Variants in SPATC1 observed in about 807,000 individuals in gnomAD.
SPATC1 encodes spermatogenesis and centriole associated 1.
A neutral mutation model predicts 36.5 loss-of-function variants in SPATC1; 35 were observed. The ratio of observed to expected loss-of-function variants is 0.96; its 90% confidence interval spans 0.73 to 1.27. SPATC1 has a LOEUF of 1.27. Among genes scored for constraint, SPATC1 ranks in the 50% most tolerant of loss-of-function variants. The probability of loss-of-function intolerance (pLI) is 0.00; values close to 1 mark genes in which losing one functional copy is unlikely to be tolerated. For missense variants in SPATC1, 779 were observed against 796.0 expected, an observed-to-expected ratio of 0.98 and a Z score of 0.26; for synonymous variants, 361 against 353.6, an observed-to-expected ratio of 1.02 and a Z score of -0.24.
chr8:144,016,213 G>A lies in SPATC1; in HGVS notation c.211+3487G>A, dbSNP rs1372904249. ...AGAGGTTGCAGTGAGCCTAGACTAC[G>A]CCATTGCACTCCAGCCTGAGCAACA... On this transcript the variant is annotated intron_variant, in intron 1 of 4. Coordinates refer to ENST00000377470, the MANE Select transcript of SPATC1 (RefSeq NM_198572.3). The surrounding 1 kb of genome is among the most constrained non-coding windows in gnomAD (Gnocchi z 4.5). Among the ~76,000 whole-genome samples the A allele has an allele frequency of 7.9e-5, 12 of 152,222 alleles. No homozygotes were observed. The highest frequency in any genetic ancestry group is 2.1e-4 in the South Asian group (1 of 4,818).
chr8:144,042,975 C>T (rs1424307420), intron 4 of SPATC1, among the ~76,000 whole-genome samples: 1 of 151,364 alleles, frequency 6.6e-6, no homozygotes, highest in Non-Finnish European at 1.5e-5. Context: ...CGGGCATGCA[C>T]CAACACACCT....
intron 1 of SPATC1, among the ~76,000 whole-genome samples, chr8:144,037,482 T>TTATCC (rs1834933207): frequency 6.6e-6 from 1 of 152,110 alleles, no homozygotes; most frequent in African/African-American, 2.4e-5. Flanking sequence ...AGAAAAATTC[T>TTATCC]TATCCTGTTG....
rs782449150 is a variant in SPATC1, at chr8:144,040,535, C to G, written c.767-33C>G. 9 of 1,562,986 alleles carry G rather than the reference C, an allele frequency of 5.8e-6. No individual in the cohort carries two copies. In the South Asian group the frequency reaches 9.7e-5, roughly 17 times the overall value. ...GCCCTCCCACCTCACTCTAATCCCC[C>G]TTTTTTTATTTCTGTTCCCTCCACA... On this transcript the variant is annotated intron_variant, in intron 2 of 4. Transcript: ENST00000377470.
At chr8:144,031,465 T>G (rs1212102364) in intron 1 of SPATC1, among the ~76,000 whole-genome samples, 3 of 148,846 alleles carry the variant, frequency 2.0e-5, no homozygotes, top group Admixed American at 2.0e-4. Context: ...TTTTTTTTTT[T>G]TTTTAGAGAG....
chr8:144,028,949 G>A (rs1305434104), intron 1 of SPATC1, among the ~76,000 whole-genome samples: 1 of 151,976 alleles, frequency 6.6e-6, no homozygotes, highest in Non-Finnish European at 1.5e-5. Context: ...ACTAACCCAG[G>A]AACAGGAAAG....
intron 1 of SPATC1, among the ~76,000 whole-genome samples, chr8:144,014,782 T>G (rs1834349498): frequency 6.6e-6 from 1 of 152,174 alleles, no homozygotes; most frequent in Non-Finnish European, 1.5e-5. Flanking sequence ...GATGTGCAAT[T>G]AAAGCCCTGA....
rs145774476 is a variant in SPATC1, at chr8:144,040,773, C to T, written c.972C>T (p.Thr324=). 5.3e-5 allele frequency: 84 copies of T among 1,593,650 alleles called. No homozygotes were observed. The highest frequency in any genetic ancestry group is 6.7e-5 in the Non-Finnish European group (79 of 1,170,962). ...AAGTGGTCCCTGCATCTGTCCCCAC[C>T]TCCCCCACCACCTCCCCCACGGTCA... ...QEQVVPASVP[T]SPTTSPTVTV... The change falls in exon 3 of 5, where the codon ACC becomes ACT. Residue 324 remains threonine (T), a synonymous_variant. Coordinates refer to ENST00000377470, the MANE Select transcript of SPATC1 (RefSeq NM_198572.3).
chr8:144,040,410 G>T lies in SPATC1; in HGVS notation c.713G>T (p.Gly238Val), dbSNP rs542102016. 15 of 1,609,818 alleles carry T rather than the reference G, an allele frequency of 9.3e-6. No individual in the cohort carries two copies. In the East Asian group the frequency reaches 3.3e-4, roughly 36 times the overall value. ...CGGCTGGCTGAGCCACTCCGCGGAG[G>T]CCCCACTGGGCCCCAGTCCCCAGCT... ...RLRLAEPLRG[G>V]PTGPQSPACV... is the part of the protein sequence containing the mutation. The change falls in exon 2 of 5, where the codon GGC becomes GTC. Residue 238 changes from glycine to valine, a missense_variant. Transcript: ENST00000377470.
chr8:144,033,194 G>A (rs937402223), intron 1 of SPATC1, among the ~76,000 whole-genome samples: 19 of 152,134 alleles, frequency 1.2e-4, no homozygotes, highest in South Asian at 6.2e-4. Context: ...TCAGGAGTTC[G>A]AGACCAGCCT....
chr8:144,013,404 C>T (rs1834318960), intron 1 of SPATC1, among the ~76,000 whole-genome samples: 1 of 152,276 alleles, frequency 6.6e-6, no homozygotes, highest in African/African-American at 2.4e-5. Context: ...GTCACTGGAA[C>T]TTAGCTCACT....
intron 1 of SPATC1, among the ~76,000 whole-genome samples, chr8:144,020,618 TCAGGA>T (rs1834497072): frequency 9.2e-6 from 1 of 108,360 alleles, no homozygotes; most frequent in South Asian, 3.1e-4. Flanking sequence ...CCCTCTTCCT[TCAGGA>T]CCCTCCTCCC....
chr8:144,013,886 G>A (rs1312460857), intron 1 of SPATC1, among the ~76,000 whole-genome samples: 2 of 152,114 alleles, frequency 1.3e-5, no homozygotes, highest in Non-Finnish European at 2.9e-5. Context: ...AACCTGAGAG[G>A]TGGAGTTTGC....
At position 144,040,341 on chromosome 8, in the gene SPATC1, C is replaced by T. The variant is rs781985353; in HGVS notation, c.644C>T (p.Ala215Val). 1 of 1,612,708 alleles carries T rather than the reference C, an allele frequency of 6.2e-7. No individual in the cohort carries two copies. The highest frequency in any genetic ancestry group is 1.1e-5 in the South Asian group (1 of 91,082). ...TPPGVSQNLL[A>V]NPMSNLVLPE... The stretch of plus-strand genomic sequence containing the variant: ...CCAGGGGTCTCTCAGAACCTGCTGG[C>T]CAACCCCATGAGCAACCTGGTCCTG... Residue 215 changes from alanine (A) to valine (V), a missense_variant, in exon 2 of 5, where the codon GCC becomes GTC. Physicochemically the swap from Ala to Val is moderately conservative, Grantham distance 64 (BLOSUM62 0). Coordinates refer to ENST00000377470, the MANE Select transcript of SPATC1 (RefSeq NM_198572.3).
intron 1 of SPATC1, among the ~76,000 whole-genome samples, chr8:144,014,473 A>AGAAGGAAGGAAGGAAAGAAG: frequency 6.6e-6 from 1 of 151,568 alleles, no homozygotes; most frequent in Non-Finnish European, 1.5e-5. Context: ...AAAGAAAAGA[A>AGAAGGAAGGAAGGAAAGAAG]GAAGGAAGGA....
chr8:144,042,806 T>TTG (rs1334044884), intron 4 of SPATC1, among the ~76,000 whole-genome samples: 1 of 151,956 alleles, frequency 6.6e-6, no homozygotes, highest in Non-Finnish European at 1.5e-5. Flanking sequence ...ATAAATCCTG[T>TTG]TACAGGCCTG....
At chr8:144,014,655 A>C (rs1206722475) in intron 1 of SPATC1, among the ~76,000 whole-genome samples, 2 of 152,148 alleles carry the variant, frequency 1.3e-5, no homozygotes, top group Non-Finnish European at 2.9e-5. Context: ...AGGCTTAGGA[A>C]AGACTTCCTG....
Position 144,040,985 on chromosome 8 carries a change from C to T in SPATC1, c.1184C>T (p.Ser395Phe). ...NAHSPPRTSS[S>F]PASVNDSRGP... Reference sequence around the variant, plus strand: ...CACTCCCCACCTCGTACCTCATCCTCCCCGGCTTCAGTCAATGACTCTCGA... The same window carrying T: ...CACTCCCCACCTCGTACCTCATCCTTCCCGGCTTCAGTCAATGACTCTCGA... The change falls in exon 3 of 5, where the codon TCC becomes TTC. Residue 395 changes from serine to phenylalanine, a missense_variant. Coordinates refer to ENST00000377470, the MANE Select transcript of SPATC1 (RefSeq NM_198572.3). 1 of 1,612,416 alleles carries T rather than the reference C, an allele frequency of 6.2e-7. No individual in the cohort carries two copies. Among genetic ancestry groups the T allele is most frequent in the Non-Finnish European group, 8.5e-7 (1 of 1,179,858 alleles).
chr8:144,023,977 AAGGACCCTCTCCCCTC>A (rs1834613187), intron 1 of SPATC1, among the ~76,000 whole-genome samples: 2 of 12,252 alleles, frequency 1.6e-4, no homozygotes, highest in African/African-American at 3.3e-4. Context: ...CTTCTACCTT[AAGGACCCTCTCCCCTC>A]AGGACCCTCT....
Position 144,041,075 on chromosome 8 carries a change from G to A in SPATC1, c.1274G>A (p.Arg425His), listed in dbSNP as rs143556115. 43 of 1,588,586 alleles carry A rather than the reference G, an allele frequency of 2.7e-5. No homozygotes were observed. Among genetic ancestry groups the A allele is most frequent in the African/African-American group, 2.3e-4 (17 of 74,316 alleles). Residue 425 changes from arginine (R) to histidine (H), a missense_variant, in exon 3 of 5, where the codon CGC (arginine) becomes CAC (histidine). Physicochemically the swap from Arg to His is conservative, Grantham distance 29. Transcript: ENST00000377470. ...MMEVERKLAH[R>H]KTSKFPENPR... ...GAGGTGGAACGGAAGCTGGCCCACC[G>A]CAAGACCAGCAAGTTCCCCGAGAAC...
Sources: allele counts gnomAD v4.1 joint callset (sites outside exome capture counted in the v4.1 genomes callset), GRCh38; gene constraint gnomAD v4.1.1; non-coding constraint Gnocchi (gnomAD v3.1); transcripts MANE v1.5; gene names NCBI Gene and HGNC (gene_info 2026-07-23, HGNC 2026-07-21).